PAK3: variants seen among roughly 807,000 people sequenced by gnomAD.
The protein encoded by PAK3 is serine/threonine-protein kinase PAK 3.
A neutral mutation model predicts 41.0 loss-of-function variants in PAK3; 4 were observed. That is an observed-to-expected ratio of 0.10 (90% confidence interval 0.05 to 0.22). The LOEUF is 0.22. Among genes scored for constraint, PAK3 ranks in the 10% least tolerant of loss-of-function variants. The pLI is 1.00. For synonymous variants in PAK3, 146 were observed against 139.6 expected (o/e 1.05, Z -0.32); for missense variants, 205 against 409.9 (o/e 0.50, Z 4.32).
intron 1 of PAK3, among the ~76,000 whole-genome samples, chrX:110,965,558 A>G (rs1304777321): frequency 2.7e-5 from 3 of 112,296 alleles, no homozygotes; most frequent in African/African-American, 9.7e-5. Context: ...CACTGTGGTT[A>G]AGAAGACCAG....
At chrX:111,115,624 A>T (rs753685647) in intron 4 of PAK3, among the ~76,000 whole-genome samples, 61 of 112,300 alleles carry the variant, frequency 5.4e-4, no homozygotes, top group African/African-American at 1.6e-3. Context: ...TAATGAAATT[A>T]AAAAAAGTAT....
chrX:111,135,523 A>G (rs938890626), intron 5 of PAK3, among the ~76,000 whole-genome samples: 13 of 110,780 alleles, frequency 1.2e-4, no homozygotes. Context: ...GACCCAAGGG[A>G]GAAGTGTGTT....
intron 4 of PAK3, among the ~76,000 whole-genome samples, chrX:111,117,486 G>A (rs1423990312): frequency 1.8e-5 from 2 of 111,915 alleles, no homozygotes; most frequent in African/African-American, 6.5e-5. Flanking sequence ...AGAGCAAGAC[G>A]TGGAAGCCCT....
chrX:111,200,428 A>G (rs2094669023), intron 16 of PAK3, among the ~76,000 whole-genome samples: 1 of 111,677 alleles, frequency 9.0e-6, no homozygotes, highest in African/African-American at 3.3e-5. Context: ...GCCCTAATGA[A>G]TGCTATAGGC....
chrX:111,013,678 T>C (rs1418906677), intron 1 of PAK3: 1 of 111,328 alleles, frequency 9.0e-6, no homozygotes, highest in Non-Finnish European at 1.9e-5. Context: ...AGCTTGTATC[T>C]CACCATTTTT....
At chrX:110,954,137 GA>G (rs1366129575) in intron 1 of PAK3, among the ~76,000 whole-genome samples, 1 of 111,550 alleles carries the variant, frequency 9.0e-6, no homozygotes, top group Non-Finnish European at 1.9e-5. Context: ...AAAAAGAAAG[GA>G]GTCAGCACTA....
intron 5 of PAK3, among the ~76,000 whole-genome samples, chrX:111,129,633 G>A (rs2093692434): frequency 9.0e-6 from 1 of 111,452 alleles, no homozygotes; most frequent in Non-Finnish European, 1.9e-5. Flanking sequence ...GGGGAAACTG[G>A]GCACAAATAT....
At chrX:111,070,832 T>C (rs1179234204) in intron 1 of PAK3, among the ~76,000 whole-genome samples, 1 of 112,142 alleles carries the variant, frequency 8.9e-6, no homozygotes, top group African/African-American at 3.2e-5. Flanking sequence ...CACCTTTTGA[T>C]AGTCTGTCTT....
At chrX:111,042,430 G>T (rs1348207439) in intron 1 of PAK3, among the ~76,000 whole-genome samples, 1 of 111,914 alleles carries the variant, frequency 8.9e-6, no homozygotes, top group Admixed American at 9.4e-5. Flanking sequence ...GCCTCTTGCT[G>T]AAATAGTTAA....
intron 13 of PAK3, among the ~76,000 whole-genome samples, chrX:111,193,663 T>C (rs1603375352): frequency 9.0e-6 from 1 of 111,200 alleles, no homozygotes; most frequent in South Asian, 3.8e-4. Flanking sequence ...AATTTTACAG[T>C]CTTGATCAGT....
intron 1 of PAK3, among the ~76,000 whole-genome samples, chrX:110,991,859 C>T (rs931817220): frequency 9.1e-6 from 1 of 110,345 alleles, no homozygotes; most frequent in African/African-American, 3.3e-5. Context: ...AGCCAGTGTT[C>T]CAGAAGCTGA....
intron 4 of PAK3, among the ~76,000 whole-genome samples, chrX:111,122,497 C>T (rs1347569371): frequency 1.8e-5 from 2 of 109,910 alleles, no homozygotes; most frequent in East Asian, 2.9e-4. Flanking sequence ...TAACAGCACA[C>T]TCCAACTCTG....
At chrX:110,975,909 G>A (rs1406081113) in intron 1 of PAK3, among the ~76,000 whole-genome samples, 1 of 112,034 alleles carries the variant, frequency 8.9e-6, no homozygotes, top group Non-Finnish European at 1.9e-5. Context: ...CTAGCCATAT[G>A]TAGAAAGCTG....
At chrX:111,030,424 G>A (rs1195994574) in intron 1 of PAK3, among the ~76,000 whole-genome samples, 2 of 111,473 alleles carry the variant, frequency 1.8e-5, no homozygotes, top group South Asian at 3.7e-4. Flanking sequence ...TTAAAGATCC[G>A]ATTTCCATAT....
At chrX:111,109,719 C>T (rs1175756840) in intron 4 of PAK3, among the ~76,000 whole-genome samples, 2 of 111,624 alleles carry the variant, frequency 1.8e-5, no homozygotes, top group Non-Finnish European at 3.8e-5. Flanking sequence ...TTCTTCTGTC[C>T]TTGATTCTGA....
chrX:111,146,239 G>A (rs1275038513), intron 6 of PAK3, among the ~76,000 whole-genome samples: 1 of 111,707 alleles, frequency 9.0e-6, no homozygotes, highest in Non-Finnish European at 1.9e-5. Flanking sequence ...ATCATTTAAT[G>A]GTAATTCTTA....
intron 1 of PAK3, among the ~76,000 whole-genome samples, chrX:110,996,216 T>A (rs188431494): frequency 1.1e-3 from 123 of 112,541 alleles, no homozygotes; most frequent in Non-Finnish European, 2.0e-3. Context: ...ATCTGTCAAC[T>A]TGTTTATTTC....
intron 1 of PAK3, among the ~76,000 whole-genome samples, chrX:110,991,314 C>A (rs1384059582): frequency 1.8e-5 from 2 of 111,613 alleles, no homozygotes. Context: ...AGCATAGCAC[C>A]TGATACATGA....
chrX:111,178,850 G>C (rs965778418), intron 11 of PAK3, among the ~76,000 whole-genome samples: 18 of 108,567 alleles, frequency 1.7e-4, no homozygotes, highest in Admixed American at 6.0e-4. Context: ...CATTCACTTT[G>C]GTATCCCTAA....
Sources: gnomAD v4.1 joint callset for allele counts (sites outside exome capture counted in the v4.1 genomes callset) on GRCh38, gnomAD v4.1.1 for gene constraint, MANE v1.5 for transcripts, NCBI Gene and HGNC (gene_info 2026-07-23, HGNC 2026-07-21) for gene names.